Variants in SH3YL1 observed in about 807,000 individuals in gnomAD.
SH3YL1 encodes SH3 and SYLF domain containing 1.
In SH3YL1, 41 loss-of-function variants were observed where a neutral mutation model predicts 45.8. The observed-to-expected ratio is 0.89, with a 90% CI of 0.70 to 1.16. SH3YL1 has a LOEUF of 1.16. SH3YL1 is among the 50% of genes most tolerant of loss of function. The pLI, the probability that SH3YL1 is intolerant of heterozygous loss-of-function variation, is 0.00. For missense variants in SH3YL1, 389 were observed against 409.6 expected (o/e 0.95, Z 0.43); for synonymous variants, 152 against 151.4 (o/e 1.00, Z -0.03).
intron 8 of SH3YL1, among the ~76,000 whole-genome samples, chr2:226,404 G>A (rs1667785229): frequency 6.6e-6 from 1 of 152,146 alleles, no homozygotes; most frequent in South Asian, 2.1e-4. Flanking sequence ...TTTCAGATAA[G>A]ATTAAATCCA....
At chr2:231,696 A>G (rs1668052761) in intron 6 of SH3YL1, among the ~76,000 whole-genome samples, 1 of 152,196 alleles carries the variant, frequency 6.6e-6, no homozygotes, top group Non-Finnish European at 1.5e-5. Flanking sequence ...TATTTGTTTT[A>G]GTTTATCCAG....
At chr2:248,125 G>T (rs935018023) in intron 3 of SH3YL1, among the ~76,000 whole-genome samples, 1 of 152,100 alleles carries the variant, frequency 6.6e-6, no homozygotes, top group African/African-American at 2.4e-5. Flanking sequence ...TAAATTCAAG[G>T]TTATTAAAAT....
At chr2:227,283 A>C (rs1667824403) in intron 8 of SH3YL1, among the ~76,000 whole-genome samples, 1 of 152,202 alleles carries the variant, frequency 6.6e-6, no homozygotes. Context: ...CTTTAAAAAT[A>C]TATTATTTGA....
chr2:253,540 C>T lies in SH3YL1; in HGVS notation c.2-425G>A, dbSNP rs551501025. 1.5e-4 allele frequency among the ~76,000 whole-genome samples: 23 copies of T among 152,318 alleles called. 1 individual carries two copies. The highest frequency in any genetic ancestry group is 3.4e-3 in the Middle Eastern group (1 of 294). On this transcript the variant is annotated intron_variant, in intron 1 of 9. Coordinates refer to ENST00000356150, the MANE Select transcript of SH3YL1 (RefSeq NM_015677.4). Reference sequence around the variant, plus strand: ...ATGCCATGGCAACATCAGGAAGTTACCCTATATGGTCTAAAAAGGAGAGGA... The same window carrying T: ...ATGCCATGGCAACATCAGGAAGTTATCCTATATGGTCTAAAAAGGAGAGGA...
chr2:225,200 C>A (rs1426847885), intron 8 of SH3YL1, among the ~76,000 whole-genome samples: 1 of 152,218 alleles, frequency 6.6e-6, no homozygotes, highest in Non-Finnish European at 1.5e-5. Flanking sequence ...CTATTAGGTT[C>A]TTCTTCAATT....
At chr2:248,710 TCA>T (rs1668944837) in intron 3 of SH3YL1, among the ~76,000 whole-genome samples, 4 of 152,172 alleles carry the variant, frequency 2.6e-5, no homozygotes, top group African/African-American at 9.7e-5. Context: ...AGGGACTTTC[TCA>T]CAGACTCTGA....
intron 4 of SH3YL1, chr2:242,660 A>C (rs192262718): frequency 8.7e-7 from 1 of 1,152,900 alleles, no homozygotes; most frequent in Non-Finnish European, 1.1e-6. Flanking sequence ...TGATATCAAT[A>C]ATCTATTAAA....
At chr2:228,946 CCTT>C (rs1230325923) in intron 8 of SH3YL1, among the ~76,000 whole-genome samples, 1 of 152,204 alleles carries the variant, frequency 6.6e-6, no homozygotes, top group Admixed American at 6.5e-5. Context: ...AACTTATATG[CCTT>C]CTCCCACTAA....
At chr2:230,935 G>C (rs1159547050) in intron 7 of SH3YL1, 88 bp downstream of exon 7, 2 of 1,326,128 alleles carry the variant, frequency 1.5e-6, no homozygotes, top group Non-Finnish European at 2.2e-6. Flanking sequence ...GGCTTAGTAG[G>C]TTCTTAGGAA....
At chr2:254,911 G>A (rs992055981) in intron 1 of SH3YL1, among the ~76,000 whole-genome samples, 1 of 152,214 alleles carries the variant, frequency 6.6e-6, no homozygotes, top group African/African-American at 2.4e-5. Context: ...ACACTCAAAA[G>A]AATGCAACTG....
At chr2:228,328 A>G (rs1193413279) in intron 8 of SH3YL1, among the ~76,000 whole-genome samples, 1 of 152,190 alleles carries the variant, frequency 6.6e-6, no homozygotes, top group African/African-American at 2.4e-5. Flanking sequence ...GGCACAGGCA[A>G]AGGGCCTGTT....
intron 2 of SH3YL1, among the ~76,000 whole-genome samples, chr2:250,477 C>T (rs1191295746): frequency 1.3e-5 from 2 of 152,148 alleles, no homozygotes; most frequent in Non-Finnish European, 2.9e-5. Flanking sequence ...GGTTTATTCA[C>T]ATGTCAGAGA....
chr2:246,195 CA>C (rs1177107087), intron 4 of SH3YL1, among the ~76,000 whole-genome samples: 65 of 124,752 alleles, frequency 5.2e-4, no homozygotes, highest in Admixed American at 8.2e-4. Context: ...AACTCCATCT[CA>C]AAAAAAAAAA....
intron 4 of SH3YL1, among the ~76,000 whole-genome samples, chr2:236,871 T>C (rs528057048): frequency 6.6e-6 from 1 of 152,196 alleles, no homozygotes; most frequent in Non-Finnish European, 1.5e-5. Flanking sequence ...TCAATTTGAA[T>C]CATTTTATGA....
At chr2:264,143 A>G, upstream of SH3YL1, 5 of 1,108,948 alleles carry the variant, frequency 4.5e-6, 1 homozygote, top group Non-Finnish European at 6.0e-6. Context: ...TCGCGGGACA[A>G]AAACCACGCG....
rs779659079 is a variant in SH3YL1, at chr2:249,730, C to A, written c.226+1G>T. 1.7e-5 allele frequency: 26 copies of A among 1,549,844 alleles called. 1 individual carries two copies. In the South Asian group the frequency reaches 2.9e-4, roughly 17 times the overall value. On this transcript the variant is annotated splice_donor_variant, in intron 3 of 9. Coordinates refer to ENST00000356150, the MANE Select transcript of SH3YL1 (RefSeq NM_015677.4). LOFTEE classifies it high-confidence loss of function. ...ACTCCAGTGAACAGACGCCAACTTACTTCCATCTGGAAGGCGCGCCACTAC... is the reference window on the plus strand; with the variant it reads ...ACTCCAGTGAACAGACGCCAACTTAATTCCATCTGGAAGGCGCGCCACTAC...
chr2:233,147 A>G lies in SH3YL1; in HGVS notation c.487T>C (p.Ser163Pro). The G allele has an allele frequency of 6.2e-7, 1 of 1,600,742 alleles. No individual in the cohort carries two copies. Among genetic ancestry groups the G allele is most frequent in the Non-Finnish European group, 8.5e-7 (1 of 1,172,284 alleles). Residue 163 changes from serine (S) to proline (P), a missense_variant, in exon 6 of 10, where the codon TCT becomes CCT. Transcript: ENST00000356150. Reference protein sequence around the residue: ...CKSRGLFAGVSLEGSCLIERK... With the variant: ...CKSRGLFAGVPLEGSCLIERK... ...TCAATCAAACAGCTCCCTTCTAAAG[A>G]CACGCCTGCAAAGAGTCCCCTTGAC...
At chr2:228,758 A>G (rs1667894264) in intron 8 of SH3YL1, among the ~76,000 whole-genome samples, 1 of 152,190 alleles carries the variant, frequency 6.6e-6, no homozygotes, top group Admixed American at 6.5e-5. Context: ...AATGAGGAAT[A>G]GGCCTGGTTC....
chr2:227,065 C>T (rs554249642), intron 8 of SH3YL1, among the ~76,000 whole-genome samples: 12 of 149,676 alleles, frequency 8.0e-5, no homozygotes, highest in African/African-American at 2.2e-4. Flanking sequence ...ATGCCTATGG[C>T]GGGAAGCAAC....
Sources: allele counts gnomAD v4.1 joint callset (sites outside exome capture counted in the v4.1 genomes callset), GRCh38; gene constraint gnomAD v4.1.1; transcripts MANE v1.5; gene names NCBI Gene and HGNC (gene_info 2026-07-23, HGNC 2026-07-21).